THSD7B: variants seen among roughly 807,000 people sequenced by gnomAD.
THSD7B encodes thrombospondin type 1 domain containing 7B.
Under a neutral mutation model 213.6 loss-of-function variants are expected in THSD7B, and 138 were observed. That is an observed-to-expected ratio of 0.65 (90% confidence interval 0.56 to 0.74). The LOEUF is 0.74. Ranked by LOEUF, THSD7B falls within the 30% of genes least tolerant of loss-of-function variation. The pLI, the probability that THSD7B is intolerant of heterozygous loss-of-function variation, is 0.00. For missense variants in THSD7B, 1,931 were observed against 1,991.5 expected, an observed-to-expected ratio of 0.97 and a Z score of 0.58; for synonymous variants, 742 against 687.0, an observed-to-expected ratio of 1.08 and a Z score of -1.25.
chr2:137,146,977 A>C (rs535672089), intron 5 of THSD7B, among the ~76,000 whole-genome samples: 1 of 152,160 alleles, frequency 6.6e-6, no homozygotes, highest in African/African-American at 2.4e-5. Context: ...TGTCAAAATT[A>C]TACTCCATAA....
intron 2 of THSD7B, among the ~76,000 whole-genome samples, chr2:136,976,463 G>T (rs1685482619): frequency 6.6e-6 from 1 of 152,104 alleles, no homozygotes; most frequent in African/African-American, 2.4e-5. Flanking sequence ...TTTATGTGAT[G>T]AGTTACATTT....
intron 15 of THSD7B, among the ~76,000 whole-genome samples, chr2:137,512,581 C>G (rs548231826): frequency 6.6e-6 from 1 of 151,534 alleles, no homozygotes; most frequent in Non-Finnish European, 1.5e-5. Context: ...TTTGTAGAGA[C>G]AGGGTTTTGT....
At chr2:137,492,977 C>T (rs183587578) in intron 15 of THSD7B, among the ~76,000 whole-genome samples, 20 of 151,154 alleles carry the variant, frequency 1.3e-4, no homozygotes, top group Admixed American at 7.9e-4. Context: ...AAAAATTAGC[C>T]GGGCGTGGTG....
chr2:137,344,725 GA>G (rs1005095273), intron 12 of THSD7B, among the ~76,000 whole-genome samples: 24 of 151,700 alleles, frequency 1.6e-4, no homozygotes, highest in African/African-American at 5.3e-4. Flanking sequence ...ACCATGCCTG[GA>G]AGGGGTGGAT....
At chr2:137,438,892 C>A (rs114228577) in intron 14 of THSD7B, among the ~76,000 whole-genome samples, 28 of 152,136 alleles carry the variant, frequency 1.8e-4, no homozygotes, top group African/African-American at 5.5e-4. Context: ...AGATCATCCT[C>A]GGTTTGGGGT....
chr2:136,954,740 T>TAAAAAAAAAAAAAAAAAAAAAAAAAACAG (rs773677139), intron 2 of THSD7B, among the ~76,000 whole-genome samples: 1 of 137,448 alleles, frequency 7.3e-6, no homozygotes, highest in African/African-American at 3.1e-5. Flanking sequence ...AAAAAGAAAT[T>TAAAAAAAAAAAAAAAAAAAAAAAAAACAG]ACATAAGAGC....
At chr2:136,934,143 T>C (rs950423312) in intron 2 of THSD7B, among the ~76,000 whole-genome samples, 2 of 152,208 alleles carry the variant, frequency 1.3e-5, no homozygotes, top group African/African-American at 2.4e-5. Flanking sequence ...CAAAACCTTT[T>C]ATCTAACTCC....
intron 3 of THSD7B, among the ~76,000 whole-genome samples, chr2:137,074,470 C>T (rs1043869115): frequency 2.0e-5 from 3 of 152,124 alleles, no homozygotes; most frequent in African/African-American, 7.2e-5. Context: ...ATTTTGAGCC[C>T]ATGTGTGTCC....
At chr2:137,123,823 C>G (rs1429434672) in intron 5 of THSD7B, among the ~76,000 whole-genome samples, 1 of 152,018 alleles carries the variant, frequency 6.6e-6, no homozygotes, top group Non-Finnish European at 1.5e-5. Context: ...ATTTCTCTTT[C>G]TCATCACCCA....
chr2:136,809,415 A>T (rs1389524658), intron 1 of THSD7B, among the ~76,000 whole-genome samples: 1 of 152,196 alleles, frequency 6.6e-6, no homozygotes, highest in Non-Finnish European at 1.5e-5. Flanking sequence ...ATGGTAGGAC[A>T]TGGGGTTGTA....
chr2:137,127,314 T>G (rs1347455874), intron 5 of THSD7B, among the ~76,000 whole-genome samples: 1 of 152,164 alleles, frequency 6.6e-6, no homozygotes, highest in Admixed American at 6.5e-5. Flanking sequence ...CACAACGTGA[T>G]TCCAATCCTT....
chr2:136,966,609 TTTTGGCTGCTATAG>T (rs1262527115), intron 2 of THSD7B, among the ~76,000 whole-genome samples: 4 of 152,206 alleles, frequency 2.6e-5, no homozygotes, highest in Admixed American at 6.5e-5. Flanking sequence ...CTTTGTTTTG[TTTTGGCTGCTATAG>T]TTGCCTGGTC....
intron 15 of THSD7B, among the ~76,000 whole-genome samples, chr2:137,514,826 ACT>A (rs1177673709): frequency 1.5e-4 from 23 of 152,142 alleles, no homozygotes; most frequent in Admixed American, 1.5e-3. Flanking sequence ...GTGTTTGGTG[ACT>A]CTAAACATAA....
At chr2:137,286,373 C>G (rs1306994483) in intron 12 of THSD7B, among the ~76,000 whole-genome samples, 2 of 152,078 alleles carry the variant, frequency 1.3e-5, no homozygotes, top group Non-Finnish European at 2.9e-5. Context: ...AACACACACT[C>G]TAAAATAAAG....
At chr2:137,674,227 C>T (rs893504767) in intron 27 of THSD7B, among the ~76,000 whole-genome samples, 1 of 152,116 alleles carries the variant, frequency 6.6e-6, no homozygotes, top group Non-Finnish European at 1.5e-5. Flanking sequence ...AGCAAATGCC[C>T]ATTAAAGGTA....
Position 137,473,899 on chromosome 2 carries a change from G to T in THSD7B, c.3138+22876G>T, listed in dbSNP as rs12052247. 7.2e-5 allele frequency among the ~76,000 whole-genome samples: 11 copies of T among 152,310 alleles called. No individual in the cohort carries two copies. In the East Asian group the frequency reaches 1.9e-3, roughly 27 times the overall value. ...AAACCACTTTCTTAAAAGTAGAAGG[G>T]TGAGTATAGGAACTCCTGAAAGTGG... is the stretch of plus-strand genomic sequence containing the variant. On this transcript the variant is annotated intron_variant, in intron 15 of 27. Transcript: ENST00000409968.
chr2:137,143,805 A>G (rs1038310026), intron 5 of THSD7B, among the ~76,000 whole-genome samples: 4 of 152,234 alleles, frequency 2.6e-5, no homozygotes, highest in East Asian at 1.9e-4. Flanking sequence ...TCAGACCACA[A>G]GAATCTGTTA....
At position 136,866,706 on chromosome 2, in the gene THSD7B, C is replaced by T. The variant is rs186109799; in HGVS notation, c.-35-15438C>T. On this transcript the variant is annotated intron_variant, in intron 1 of 27. Coordinates refer to ENST00000409968, the MANE Select transcript of THSD7B (RefSeq NM_001316349.2). ...GGTTACACGCAGAAAAGCGTTCCTA[C>T]CTAAAACCTTAGAGATTTTCCAACA... Among the ~76,000 whole-genome samples the T allele has an allele frequency of 1.4e-3, 220 of 152,334 alleles. 2 individuals carry two copies. Among genetic ancestry groups the T allele is most frequent in the Non-Finnish European group, 2.0e-3 (136 of 68,022 alleles).
chr2:137,217,276 A>G (rs947169167), intron 7 of THSD7B, among the ~76,000 whole-genome samples: 5 of 152,192 alleles, frequency 3.3e-5, no homozygotes, highest in Non-Finnish European at 5.9e-5. Context: ...CTATGTTGGC[A>G]TAGTTTTTAC....
Sources: gnomAD v4.1 joint callset for allele counts (sites outside exome capture counted in the v4.1 genomes callset) on GRCh38, gnomAD v4.1.1 for gene constraint, MANE v1.5 for transcripts, NCBI Gene and HGNC (gene_info 2026-07-23, HGNC 2026-07-21) for gene names.